Variants in POU2F2 observed in about 807,000 individuals in gnomAD.
The protein encoded by POU2F2 is POU class 2 homeobox 2, also known as POU domain, class 2, transcription factor 2.
Under a neutral mutation model 63.5 loss-of-function variants are expected in POU2F2, and 14 were observed. The ratio of observed to expected loss-of-function variants is 0.22; its 90% CI spans 0.15 to 0.34. The LOEUF is 0.34. Among genes scored for constraint, POU2F2 ranks in the 10% least tolerant of loss-of-function variants. POU2F2 has a pLI of 1.00. For synonymous variants in POU2F2, 306 were observed against 348.6 expected, an observed-to-expected ratio of 0.88 and a Z score of 1.36; for missense variants, 607 against 815.2, an observed-to-expected ratio of 0.74 and a Z score of 3.11.
chr19:42,105,999 T>TTTTCTTTCTTTCTTTCTTTCTTTCTTTC (rs56400477), intron 5 of POU2F2, among the ~76,000 whole-genome samples: 1 of 132,224 alleles, frequency 7.6e-6, no homozygotes, highest in African/African-American at 2.8e-5. Context: ...GATCTTTCTT[T>TTTTCTTTCTTTCTTTCTTTCTTTCTTTC]TTTCTTTCTT....
chr19:42,102,598 A>C (rs988160982), intron 5 of POU2F2, among the ~76,000 whole-genome samples: 25 of 152,088 alleles, frequency 1.6e-4, no homozygotes, highest in Admixed American at 1.4e-3. Context: ...TCTCAAAAAA[A>C]AAAAAATCTT....
chr19:42,097,564 C>A (rs1378251173), intron 7 of POU2F2, among the ~76,000 whole-genome samples: 1 of 150,862 alleles, frequency 6.6e-6, no homozygotes, highest in East Asian at 2.0e-4. Context: ...AATCCCAATA[C>A]TTTAGGAAGC....
At chr19:42,098,598 C>T (rs1337763744) in intron 7 of POU2F2, among the ~76,000 whole-genome samples, 1 of 152,112 alleles carries the variant, frequency 6.6e-6, no homozygotes, top group African/African-American at 2.4e-5. Context: ...TGGCTTATAT[C>T]ATGGCAGGGC....
At chr19:42,192,447 A>G (rs2035084390) in intron 1 of POU2F2, among the ~76,000 whole-genome samples, 1 of 152,128 alleles carries the variant, frequency 6.6e-6, no homozygotes, top group African/African-American at 2.4e-5. Context: ...GTTGGATCTA[A>G]CTCATCTTGT....
chr19:42,124,303 C>CAA (rs1249716927), intron 1 of POU2F2, among the ~76,000 whole-genome samples: 6 of 44,126 alleles, frequency 1.4e-4, no homozygotes, highest in South Asian at 7.5e-4. Flanking sequence ...GACCCTGTCT[C>CAA]AAAAAAAAAA....
chr19:42,132,515 G>T, upstream of POU2F2: 1 of 1,144,158 alleles, frequency 8.7e-7, no homozygotes, highest in Non-Finnish European at 1.2e-6. Context: ...GAAACCACAG[G>T]GCCGGTCCGC....
chr19:42,135,624 T>A (rs2033991776), upstream of POU2F2, among the ~76,000 whole-genome samples: 1 of 151,944 alleles, frequency 6.6e-6, no homozygotes, highest in Non-Finnish European at 1.5e-5. Flanking sequence ...TTGCCCACTT[T>A]CCTGGCTTCT....
intron 7 of POU2F2, 161 bp downstream of exon 7, chr19:42,099,366 A>T (rs1188762720): frequency 1.5e-6 from 1 of 655,750 alleles, no homozygotes; most frequent in Non-Finnish European, 2.7e-6. Context: ...GCTGACCCAG[A>T]CAGGGAGATG....
chr19:42,158,344 C>T (rs1412084113), intron 2 of POU2F2, among the ~76,000 whole-genome samples: 1 of 152,212 alleles, frequency 6.6e-6, no homozygotes, highest in African/African-American at 2.4e-5. Context: ...CAAATTCACT[C>T]CCAAAGTGCA....
intron 1 of POU2F2, among the ~76,000 whole-genome samples, chr19:42,129,951 G>A (rs1354340020): frequency 2.0e-5 from 3 of 152,220 alleles, no homozygotes; most frequent in Non-Finnish European, 4.4e-5. Flanking sequence ...AGAAACAGAT[G>A]TGCACAGATT....
intron 2 of POU2F2, among the ~76,000 whole-genome samples, chr19:42,159,437 A>G (rs2034513618): frequency 6.6e-6 from 1 of 152,120 alleles, no homozygotes. Context: ...GGAGTCCTAC[A>G]AGGGCACCCA....
chr19:42,089,710 T>TTATATA lies in POU2F2; in HGVS notation c.*1541_*1546dup, dbSNP rs547490098. 1.2e-3 allele frequency: 171 copies of TTATATA among 143,694 alleles called. No homozygotes were observed. Among genetic ancestry groups the TTATATA allele is most frequent in the African/African-American group, 3.8e-3 (150 of 39,508 alleles). The allele number at this position is 143,694 out of a possible 1,614,324, so 8.9% of individuals were successfully genotyped here. A position where few individuals can be genotyped will look rare whatever the true frequency, so the allele number is the denominator to read the frequency against. On this transcript the variant is annotated 3_prime_UTR_variant, in exon 15 of 15. Transcript: ENST00000692977. ...GAAGAGTCCTCATCTTCTTTCCCTTTTATATATATATATATATATATGTTT... is the reference window on the plus strand; with the variant it reads ...GAAGAGTCCTCATCTTCTTTCCCTTTTATATATATATATATATATATATATATGTTT...
At chr19:42,193,451 G>T (rs1008489069) in intron 1 of POU2F2, among the ~76,000 whole-genome samples, 1 of 152,178 alleles carries the variant, frequency 6.6e-6, no homozygotes, top group Non-Finnish European at 1.5e-5. Flanking sequence ...AGAGGAGAAG[G>T]CACCACAGAA....
intron 1 of POU2F2, among the ~76,000 whole-genome samples, chr19:42,172,504 C>A (rs940333006): frequency 6.6e-6 from 1 of 152,178 alleles, no homozygotes; most frequent in Admixed American, 6.5e-5. Flanking sequence ...CTTCCGAATG[C>A]GTCAGAGCTG....
intron 2 of POU2F2, among the ~76,000 whole-genome samples, chr19:42,147,433 A>G (rs1202388730): frequency 1.3e-5 from 2 of 152,160 alleles, no homozygotes; most frequent in Non-Finnish European, 2.9e-5. Context: ...ATTCTTTGGG[A>G]TAGACTTATC....
chr19:42,091,632 G>A (rs200871044), intron 14 of POU2F2, 41 bp from the exon 15 acceptor site: 2 of 1,543,054 alleles, frequency 1.3e-6, no homozygotes, highest in East Asian at 2.4e-5. Context: ...GGCATGCCGG[G>A]CCAGGGGAGA....
At chr19:42,094,364 C>A (rs1451074696) in intron 11 of POU2F2, among the ~76,000 whole-genome samples, 1 of 152,168 alleles carries the variant, frequency 6.6e-6, no homozygotes, top group African/African-American at 2.4e-5. Flanking sequence ...GGATGCATAT[C>A]TTTGCATCGG....
Position 42,086,524 on chromosome 19 carries a change from T to G in POU2F2, c.*4733A>C, listed in dbSNP as rs1457183091. 1.3e-5 allele frequency: 2 copies of G among 152,032 alleles called. No homozygotes were observed. The highest frequency in any genetic ancestry group is 2.9e-5 in the Non-Finnish European group (2 of 68,024). The allele number at this position is 152,032 out of a possible 1,614,324, so 9.4% of individuals were successfully genotyped here. On this transcript the variant is annotated 3_prime_UTR_variant, in exon 15 of 15. Coordinates refer to ENST00000692977, the MANE Select transcript of POU2F2 (RefSeq NM_001394376.1). ...ACCAGAATGGGCTGCGCCAATCAGGTCTTTACCAAGTAGGGTGGTCACCTT... is the reference window on the plus strand; with the variant it reads ...ACCAGAATGGGCTGCGCCAATCAGGGCTTTACCAAGTAGGGTGGTCACCTT...
chr19:42,124,294 A>G (rs1215941862), intron 1 of POU2F2, among the ~76,000 whole-genome samples: 1 of 145,438 alleles, frequency 6.9e-6, no homozygotes, highest in African/African-American at 2.6e-5. Context: ...ACAGAGTGAG[A>G]CCCTGTCTCA....
Sources: allele counts gnomAD v4.1 joint callset (sites outside exome capture counted in the v4.1 genomes callset), GRCh38; gene constraint gnomAD v4.1.1; transcripts MANE v1.5; gene names NCBI Gene and HGNC (gene_info 2026-07-23, HGNC 2026-07-21).